The following ATP13A5 variants were observed in gnomAD, a reference collection of about 807,000 sequenced individuals.
ATP13A5 encodes the protein probable cation-transporting ATPase 13A5.
Under a neutral mutation model 150.2 loss-of-function variants are expected in ATP13A5, and 149 were observed. That is an observed-to-expected ratio of 0.99 (90% CI 0.87 to 1.14). The LOEUF is 1.14. Ranked by LOEUF, ATP13A5 falls within the 50% of genes most tolerant of loss-of-function variation. The pLI is 0.00. For synonymous variants in ATP13A5, 497 were observed against 522.2 expected, an observed-to-expected ratio of 0.95 and a Z score of 0.66; for missense variants, 1,383 against 1,449.3, an observed-to-expected ratio of 0.95 and a Z score of 0.74.
At chr3:193,275,969 TAAAC>T (rs751223254) in intron 29 of ATP13A5, among the ~76,000 whole-genome samples, 2 of 152,290 alleles carry the variant, frequency 1.3e-5, no homozygotes, top group East Asian at 3.9e-4. Context: ...TATAGCTATT[TAAAC>T]AAACAGCATC....
intron 7 of ATP13A5, 60 bp downstream of exon 7, chr3:193,351,007 A>G: frequency 6.3e-7 from 1 of 1,588,640 alleles, no homozygotes; most frequent in Non-Finnish European, 8.6e-7. Context: ...TGGAAATACC[A>G]TGGGCTTTAC....
At position 193,275,193 on chromosome 3, in the gene ATP13A5, G is replaced by A. The variant is rs1717132933; in HGVS notation, c.3506C>T (p.Thr1169Ile). 2 of 1,614,186 alleles carry A rather than the reference G, an allele frequency of 1.2e-6. No individual in the cohort carries two copies. The highest frequency in any genetic ancestry group is 1.1e-5 in the South Asian group (1 of 91,084). The change falls in exon 30 of 30, where the codon ACC (threonine) becomes ATC (isoleucine). Residue 1169 changes from threonine to isoleucine, a missense_variant. Physicochemically the swap from Thr to Ile is moderately conservative, Grantham distance 89 (BLOSUM62 -1). Around this residue, in one of 3 missense-constraint regions of ATP13A5, gnomAD observed 568 missense variants for 621.5 expected, o/e 0.91. Transcript: ENST00000342358. ...ATCTGTCCTGTTTATGGGAGGCCAG[G>A]TTGAGTCTTCTGCTAGCTTCTTTTG... ...TWQKKLAEDS[T>I]WPPINRTDYS... is the part of the protein sequence containing the mutation.
Position 193,335,033 on chromosome 3 carries a change from T to C in ATP13A5, c.1010A>G (p.His337Arg). Reference protein sequence around the residue: ...QMENTMPWKCHSLEDYRKHVL... With the variant: ...QMENTMPWKCRSLEDYRKHVL... Reference sequence around the variant, plus strand: ...GTGTTTCCTATAATCCTCCAAACTGTGACATTTCCAAGGCATAGTGTTCTC... The same window carrying C: ...GTGTTTCCTATAATCCTCCAAACTGCGACATTTCCAAGGCATAGTGTTCTC... The change falls in exon 10 of 30, where the codon CAC becomes CGC. Residue 337 changes from histidine (H) to arginine (R), a missense_variant. By Grantham distance (29) the His-to-Arg change is conservative (BLOSUM62 0). This residue lies in a region of ATP13A5 where 787 missense variants were observed against 771.9 expected (regional missense o/e 1.02). Coordinates refer to ENST00000342358, the MANE Select transcript of ATP13A5 (RefSeq NM_198505.4). 6 of 1,613,970 alleles carry C rather than the reference T, an allele frequency of 3.7e-6. No homozygotes were observed. The highest frequency in any genetic ancestry group is 5.1e-6 in the Non-Finnish European group (6 of 1,179,850).
intron 7 of ATP13A5, among the ~76,000 whole-genome samples, chr3:193,349,505 C>G (rs1560145210): frequency 6.6e-6 from 1 of 152,028 alleles, no homozygotes; most frequent in East Asian, 1.9e-4. Flanking sequence ...ATATTTGACT[C>G]AATATATAAA....
intron 29 of ATP13A5, among the ~76,000 whole-genome samples, chr3:193,276,092 T>C (rs1717187297): frequency 6.6e-6 from 1 of 152,146 alleles, no homozygotes; most frequent in African/African-American, 2.4e-5. Context: ...TAAAACATAG[T>C]CTCAAAAATG....
intron 5 of ATP13A5, among the ~76,000 whole-genome samples, chr3:193,355,978 A>T (rs1712769173): frequency 6.6e-6 from 1 of 152,190 alleles, no homozygotes; most frequent in African/African-American, 2.4e-5. Flanking sequence ...GGATTTGAAC[A>T]CAGCTAAGAC....
intron 26 of ATP13A5, among the ~76,000 whole-genome samples, chr3:193,288,231 C>A (rs578091011): frequency 1.3e-4 from 20 of 152,128 alleles, no homozygotes; most frequent in Non-Finnish European, 2.4e-4. Context: ...GACAAAGCAT[C>A]AGCAGGGTTT....
At chr3:193,336,083 A>G (rs1711846793) in intron 9 of ATP13A5, among the ~76,000 whole-genome samples, 1 of 152,272 alleles carries the variant, frequency 6.6e-6, no homozygotes, top group East Asian at 1.9e-4. Context: ...TCATATTTCT[A>G]ATTTGGAAAT....
At chr3:193,337,296 A>G (rs1045413198) in intron 9 of ATP13A5, among the ~76,000 whole-genome samples, 2 of 152,042 alleles carry the variant, frequency 1.3e-5, no homozygotes, top group African/African-American at 4.8e-5. Flanking sequence ...GGTGTTTTAG[A>G]CATGAAGTCG....
chr3:193,348,161 C>T (rs982549481), intron 7 of ATP13A5, among the ~76,000 whole-genome samples: 2 of 152,220 alleles, frequency 1.3e-5, no homozygotes, highest in Non-Finnish European at 2.9e-5. Context: ...TAGGAGAAGG[C>T]AAACCCTGCA....
At chr3:193,290,098 T>G (rs759265139) in intron 25 of ATP13A5, 39 bp from the exon 26 acceptor site, 1 of 1,547,994 alleles carries the variant, frequency 6.5e-7, no homozygotes, top group South Asian at 1.3e-5. Context: ...TACAATCTTA[T>G]CATTGAGAAT....
At chr3:193,350,638 CAATT>C (rs1359839050) in intron 7 of ATP13A5, among the ~76,000 whole-genome samples, 1 of 152,018 alleles carries the variant, frequency 6.6e-6, no homozygotes, top group African/African-American at 2.4e-5. Flanking sequence ...TTTTCAAAGA[CAATT>C]AAATAGGAAA....
At chr3:193,322,355 G>T in intron 15 of ATP13A5, 136 bp downstream of exon 15, 1 of 720,780 alleles carries the variant, frequency 1.4e-6, no homozygotes, top group Non-Finnish European at 2.4e-6. Flanking sequence ...ATTCGGAAAT[G>T]AAAGAAACAG....
intron 5 of ATP13A5, among the ~76,000 whole-genome samples, chr3:193,361,158 A>G (rs1429556258): frequency 6.6e-6 from 1 of 152,192 alleles, no homozygotes; most frequent in Non-Finnish European, 1.5e-5. Context: ...AATCCTTTAC[A>G]TGCCTTGTAT....
rs1328826300 is a variant in ATP13A5 at position 193,362,435 on chromosome 3, G to C, written c.482C>G (p.Ser161Cys). 3.1e-6 allele frequency: 5 copies of C among 1,614,118 alleles called. No homozygotes were observed. The highest frequency in any genetic ancestry group is 4.2e-6 in the Non-Finnish European group (5 of 1,179,980). The change falls in exon 5 of 30, where the codon TCT becomes TGT. Residue 161 changes from serine (S) to cysteine (C), a missense_variant. By Grantham distance (112) the Ser-to-Cys change is moderately radical. Coordinates refer to ENST00000342358, the MANE Select transcript of ATP13A5 (RefSeq NM_198505.4). ...VGLLEDSNSC[S>C]DIHQTFGLGL... Reference sequence around the variant, plus strand: ...CAATCCAAATGTCTGATGGATGTCAGAGCAGGAATTGCTGTCTTCTAGCAA... The same window carrying C: ...CAATCCAAATGTCTGATGGATGTCACAGCAGGAATTGCTGTCTTCTAGCAA...
At chr3:193,366,932 T>G (rs146970167) in intron 1 of ATP13A5, among the ~76,000 whole-genome samples, 83 of 152,176 alleles carry the variant, frequency 5.5e-4, no homozygotes, top group African/African-American at 1.9e-3. Flanking sequence ...GTAAACAACA[T>G]ATTTTGAAAT....
rs779181512 is a variant in ATP13A5, at chr3:193,299,130, CTTGTTA to C, written c.2843_2848del (p.Thr949_Met950del). ...ATAGTTTTCTTTGCTAAAGAGCTTA[CTTGTTA>C]AACAGACCATCAAAGTAATGGCTAC... On this transcript the variant is annotated inframe_deletion and splice_region_variant, in exon 25 of 30. Transcript: ENST00000342358. 1 of 1,599,208 alleles carries C rather than the reference CTTGTTA, an allele frequency of 6.3e-7. No homozygotes were observed. The highest frequency in any genetic ancestry group is 1.7e-5 in the Admixed American group (1 of 57,792).
chr3:193,310,713 A>G lies in ATP13A5; in HGVS notation c.2450T>C (p.Leu817Pro). ...TCTTGCAAAAACTGTTCCATTCACC[A>G]GAATCTAAAAAGAAAAAACAACCAT... is the stretch of plus-strand genomic sequence containing the variant. ...QHFNSLLPKI[L>P]VNGTVFARMS... Residue 817 changes from leucine (L) to proline (P), a missense_variant, in exon 21 of 30, where the codon CTG becomes CCG. Physicochemically the swap from Leu to Pro is moderately conservative, Grantham distance 98. Transcript: ENST00000342358. 3 of 1,600,244 alleles carry G rather than the reference A, an allele frequency of 1.9e-6. No individual in the cohort carries two copies. The highest frequency in any genetic ancestry group is 2.5e-6 in the Non-Finnish European group (3 of 1,176,496).
chr3:193,337,158 T>C (rs1323313041), intron 9 of ATP13A5, among the ~76,000 whole-genome samples: 8 of 152,228 alleles, frequency 5.3e-5, no homozygotes, highest in Admixed American at 5.2e-4. Context: ...GATGAGTAGG[T>C]TGCAAAAATT....
Sources: allele counts gnomAD v4.1 joint callset (sites outside exome capture counted in the v4.1 genomes callset), GRCh38; gene constraint gnomAD v4.1.1; regional missense constraint gnomAD v4.1.1; transcripts MANE v1.5; gene names NCBI Gene and HGNC (gene_info 2026-07-23, HGNC 2026-07-21).